The following ACTG2 variants were observed in gnomAD, a reference collection of about 807,000 sequenced individuals.
ACTG2 encodes the protein actin, gamma-enteric smooth muscle.
Under a neutral mutation model 37.6 loss-of-function variants are expected in ACTG2, and 16 were observed. That is an observed-to-expected ratio of 0.43 (90% confidence interval 0.29 to 0.65). The LOEUF is 0.65. ACTG2 is among the 30% of genes least tolerant of loss of function. The pLI, the probability that ACTG2 is intolerant of heterozygous loss-of-function variation, is 0.18. For missense variants in ACTG2, 238 were observed against 490.9 expected, an observed-to-expected ratio of 0.48 and a Z score of 4.87; for synonymous variants, 181 against 179.9, an observed-to-expected ratio of 1.01 and a Z score of -0.05.
chr2:73,901,508 T>C (rs771954142), intron 2 of ACTG2, 71 bp downstream of exon 2: 9 of 1,415,368 alleles, frequency 6.4e-6, no homozygotes, highest in Non-Finnish European at 8.4e-6. Context: ...GAGACCCTGC[T>C]GAGCTGGGGG....
At chr2:73,895,208 G>A (rs1300611722) in intron 1 of ACTG2, among the ~76,000 whole-genome samples, 1 of 152,020 alleles carries the variant, frequency 6.6e-6, no homozygotes, top group African/African-American at 2.4e-5. Flanking sequence ...TTTTGGTGGG[G>A]GAGATGCACG....
chr2:73,907,657 CT>C (rs1296538455), intron 3 of ACTG2, among the ~76,000 whole-genome samples: 2 of 152,018 alleles, frequency 1.3e-5, no homozygotes, highest in Non-Finnish European at 2.9e-5. Flanking sequence ...AATTTTTTAT[CT>C]TTTTGTAGAG....
intron 3 of ACTG2, among the ~76,000 whole-genome samples, chr2:73,906,767 C>T (rs761077208): frequency 2.5e-4 from 38 of 152,154 alleles, no homozygotes; most frequent in Non-Finnish European, 4.7e-4. Flanking sequence ...CATAAGTCAC[C>T]ACACTCGACC....
intron 2 of ACTG2, 86 bp from the exon 3 acceptor site, chr2:73,902,274 C>A: frequency 2.0e-6 from 3 of 1,501,736 alleles, no homozygotes; most frequent in South Asian, 2.5e-5. Flanking sequence ...CCATCCTTAT[C>A]CTTCTTCAGA....
chr2:73,910,562 G>A (rs1454584552), intron 5 of ACTG2, among the ~76,000 whole-genome samples: 4 of 147,006 alleles, frequency 2.7e-5, no homozygotes, highest in African/African-American at 7.6e-5. Context: ...GCAGTAGTGC[G>A]ATCTCAGCTC....
Position 73,919,512 on chromosome 2 carries a change from G to A in ACTG2, c.1068G>A (p.Met356Ile). The change falls in exon 9 of 9, where the codon ATG (methionine) becomes ATA (isoleucine). Residue 356 changes from methionine (M) to isoleucine (I), a missense_variant. Coordinates refer to ENST00000345517, the MANE Select transcript of ACTG2 (RefSeq NM_001615.4). The part of the protein sequence containing the change: ...ILASLSTFQQ[M>I]WISKPEYDEA... ...CCTCTCTCTCCACCTTCCAGCAGAT[G>A]TGGATCAGCAAGCCTGAGTATGATG... 6.2e-7 allele frequency: 1 copy of A among 1,614,188 alleles called. No individual in the cohort carries two copies. Among genetic ancestry groups the A allele is most frequent in the Non-Finnish European group, 8.5e-7 (1 of 1,180,036 alleles).
At chr2:73,908,266 T>G (rs139663938) in intron 3 of ACTG2, 119 of 471,276 alleles carry the variant, frequency 2.5e-4, no homozygotes, top group African/African-American at 1.9e-3. Flanking sequence ...AGACCCTGAC[T>G]TCTTTTGCCC....
chr2:73,898,547 T>C (rs1573458839), intron 1 of ACTG2, among the ~76,000 whole-genome samples: 1 of 151,412 alleles, frequency 6.6e-6, no homozygotes, highest in South Asian at 2.1e-4. Context: ...TTCACAAAGA[T>C]AGATTCGTAG....
At chr2:73,896,244 G>A (rs994605710) in intron 1 of ACTG2, among the ~76,000 whole-genome samples, 2 of 151,526 alleles carry the variant, frequency 1.3e-5, no homozygotes, top group Non-Finnish European at 2.9e-5. Flanking sequence ...CCAGCTCCTA[G>A]GATGAGGAGA....
chr2:73,919,639 A>C lies in ACTG2; in HGVS notation c.*64A>C. On this transcript the variant is annotated 3_prime_UTR_variant, in exon 9 of 9. Coordinates refer to ENST00000345517, the MANE Select transcript of ACTG2 (RefSeq NM_001615.4). Reference sequence around the variant, plus strand: ...TCTGTTACCAGTCATGAAACATTAAAACCTACAAGCCTTACTTCTCTGTGT... The same window carrying C: ...TCTGTTACCAGTCATGAAACATTAACACCTACAAGCCTTACTTCTCTGTGT... The C allele has an allele frequency of 6.4e-7, 1 of 1,561,298 alleles. No homozygotes were observed. The highest frequency in any genetic ancestry group is 8.7e-7 in the Non-Finnish European group (1 of 1,147,916).
chr2:73,897,604 G>A (rs545156039), intron 1 of ACTG2, among the ~76,000 whole-genome samples: 5 of 152,188 alleles, frequency 3.3e-5, no homozygotes, highest in Non-Finnish European at 7.3e-5. Flanking sequence ...CCACTCAGAC[G>A]GCAACATTGT....
Position 73,911,007 on chromosome 2 carries a change from A to G in ACTG2, c.451+1868A>G, listed in dbSNP as rs114101882. Among the ~76,000 whole-genome samples, 818 of 152,286 alleles carry G rather than the reference A, an allele frequency of 5.4e-3. 5 individuals carry two copies. The highest frequency in any genetic ancestry group is 0.018 in the African/African-American group (745 of 41,554). ...CCTACACAGGTTCAGGATCATCAAT[A>G]CCACTGTATTTCATCTCCACATCTT... On this transcript the variant is annotated intron_variant, in intron 5 of 8. Transcript: ENST00000345517.
intron 2 of ACTG2, chr2:73,901,717 C>G (rs1452481206): frequency 4.5e-6 from 2 of 442,620 alleles, no homozygotes; most frequent in Non-Finnish European, 7.6e-6. Context: ...CAACATACAT[C>G]AGGCACACAA....
rs368496843 is a variant in ACTG2, at chr2:73,907,865, T to C, written c.256-808T>C. 3.7e-4 allele frequency among the ~76,000 whole-genome samples: 56 copies of C among 152,278 alleles called. 1 individual carries two copies. In the East Asian group the frequency reaches 5.0e-3, roughly 14 times the overall value. ...AAGAATTATCCAACCTAAAATGTCA[T>C]AGAGCTGCGATTGAGAAACCCTGCT... is the stretch of plus-strand genomic sequence containing the variant. On this transcript the variant is annotated intron_variant, in intron 3 of 8. Transcript: ENST00000345517.
At chr2:73,900,649 A>G (rs1348073424) in intron 1 of ACTG2, among the ~76,000 whole-genome samples, 1 of 151,896 alleles carries the variant, frequency 6.6e-6, no homozygotes, top group African/African-American at 2.4e-5. Flanking sequence ...ACCTATAACC[A>G]CTGCCTATTT....
chr2:73,899,305 A>T (rs1378420857), intron 1 of ACTG2, among the ~76,000 whole-genome samples: 3 of 152,000 alleles, frequency 2.0e-5, no homozygotes, highest in Non-Finnish European at 4.4e-5. Context: ...CTACAGAAAA[A>T]AATTTTTATA....
intron 3 of ACTG2, among the ~76,000 whole-genome samples, chr2:73,903,956 A>G (rs1244675726): frequency 9.4e-6 from 1 of 106,928 alleles, no homozygotes; most frequent in Non-Finnish European, 2.2e-5. Context: ...AAAAAAAAAA[A>G]AAACAAAAAA....
chr2:73,901,654 C>G (rs1679886808), intron 2 of ACTG2: 1 of 789,462 alleles, frequency 1.3e-6, no homozygotes, highest in Admixed American at 3.8e-5. Flanking sequence ...GAGTTCTTTT[C>G]TGATTAACTG....
chr2:73,919,026 A>C (rs1470043629), intron 8 of ACTG2, among the ~76,000 whole-genome samples: 1 of 152,226 alleles, frequency 6.6e-6, no homozygotes, highest in Non-Finnish European at 1.5e-5. Flanking sequence ...AATTAACTGC[A>C]GGTCCAGCCA....
Sources: gnomAD v4.1 joint callset for allele counts (sites outside exome capture counted in the v4.1 genomes callset) on GRCh38, gnomAD v4.1.1 for gene constraint, MANE v1.5 for transcripts, NCBI Gene and HGNC (gene_info 2026-07-23, HGNC 2026-07-21) for gene names.